The following DNAH9 variants were observed in gnomAD, a reference collection of about 807,000 sequenced individuals.
DNAH9 encodes the protein DNAH9 variant protein.
DNAH9 carries 345 observed loss-of-function variants against 471.6 expected under a neutral mutation model. That is an observed-to-expected ratio of 0.73 (90% confidence interval 0.67 to 0.80). The LOEUF is 0.80. Ranked by LOEUF, DNAH9 falls within the 30% of genes least tolerant of loss-of-function variation. The pLI is 0.00. For synonymous variants in DNAH9, 2,093 were observed against 2,123.6 expected (o/e 0.99, Z 0.40); for missense variants, 5,407 against 5,609.2 (o/e 0.96, Z 1.15).
At chr17:11,731,507 G>C (rs780463579) in intron 28 of DNAH9, among the ~76,000 whole-genome samples, 7 of 150,446 alleles carry the variant, frequency 4.7e-5, no homozygotes, top group Non-Finnish European at 1.0e-4. Flanking sequence ...CCATTAACTC[G>C]TCATTTACAT....
At chr17:11,856,174 T>G (rs1971619608) in intron 50 of DNAH9, among the ~76,000 whole-genome samples, 2 of 152,182 alleles carry the variant, frequency 1.3e-5, no homozygotes, top group Admixed American at 1.3e-4. Context: ...ACGGCTGTGA[T>G]CAAGTTCAAT....
Position 11,937,313 on chromosome 17 carries a change from C to T in DNAH9, c.12490-39C>T. 1 of 1,573,228 alleles carries T rather than the reference C, an allele frequency of 6.4e-7. No individual in the cohort carries two copies. Among genetic ancestry groups the T allele is most frequent in the Non-Finnish European group, 8.6e-7 (1 of 1,157,006 alleles). ...CCGGTGTGGGAGATGGGAGGTACGT[C>T]CTGGTTTCTTTTTAAGTGAGCTTGC... On this transcript the variant is annotated intron_variant, in intron 65 of 68. Coordinates refer to ENST00000262442, the MANE Select transcript of DNAH9 (RefSeq NM_001372.4). The surrounding 1 kb of genome is among the most constrained non-coding windows in gnomAD (Gnocchi z 4.1).
intron 28 of DNAH9, among the ~76,000 whole-genome samples, chr17:11,737,341 A>T (rs1273441638): frequency 2.3e-5 from 1 of 42,818 alleles, no homozygotes; most frequent in African/African-American, 8.7e-5. Flanking sequence ...CACCCCTCCC[A>T]CCGTTTCACA....
chr17:11,837,238 T>C (rs1970879329), intron 49 of DNAH9, among the ~76,000 whole-genome samples: 1 of 152,238 alleles, frequency 6.6e-6, no homozygotes, highest in Admixed American at 6.5e-5. Context: ...AATAGGATAC[T>C]GAAAATCACA....
chr17:11,755,735 G>C (rs1967356973), intron 33 of DNAH9, among the ~76,000 whole-genome samples: 1 of 151,956 alleles, frequency 6.6e-6, no homozygotes, highest in African/African-American at 2.4e-5. Context: ...GAGTGCATAG[G>C]AAGAAAGAGG....
At chr17:11,869,361 G>A in intron 51 of DNAH9, 108 bp downstream of exon 51, 6 of 1,439,552 alleles carry the variant, frequency 4.2e-6, no homozygotes, top group Non-Finnish European at 5.6e-6. Flanking sequence ...TTGACTTGGA[G>A]GGAAGTATTA....
intron 43 of DNAH9, among the ~76,000 whole-genome samples, chr17:11,800,268 C>A (rs1969404845): frequency 6.6e-6 from 1 of 151,846 alleles, no homozygotes; most frequent in South Asian, 2.1e-4. Flanking sequence ...TTCATGAACA[C>A]CCCTATCCCT....
intron 14 of DNAH9, among the ~76,000 whole-genome samples, chr17:11,655,925 T>C (rs1044262299): frequency 1.3e-5 from 2 of 151,962 alleles, no homozygotes; most frequent in Non-Finnish European, 2.9e-5. Flanking sequence ...CACACACACA[T>C]ACATATACAT....
At chr17:11,680,406 A>G (rs1276347938) in intron 18 of DNAH9, among the ~76,000 whole-genome samples, 2 of 152,230 alleles carry the variant, frequency 1.3e-5, no homozygotes, top group Admixed American at 6.5e-5. Context: ...GATTGTAGAA[A>G]CATCTTCCTT....
chr17:11,925,127 T>C (rs537771196), intron 62 of DNAH9: 1 of 448,906 alleles, frequency 2.2e-6, no homozygotes, highest in East Asian at 7.0e-5. Context: ...ACATGGTTTA[T>C]TTTATGACTG....
chr17:11,874,256 A>AAAAAAG (rs1972387539), intron 52 of DNAH9, among the ~76,000 whole-genome samples: 1 of 151,772 alleles, frequency 6.6e-6, no homozygotes, highest in Admixed American at 6.6e-5. Flanking sequence ...AAAAAAAAAA[A>AAAAAAG]AAAGAACTGA....
intron 59 of DNAH9, among the ~76,000 whole-genome samples, chr17:11,899,787 G>T (rs1973344744): frequency 6.6e-6 from 1 of 152,190 alleles, no homozygotes; most frequent in Non-Finnish European, 1.5e-5. Context: ...AATTACAGCA[G>T]CTGCAGCTTT....
intron 6 of DNAH9, among the ~76,000 whole-genome samples, chr17:11,628,920 T>C (rs549955016): frequency 6.6e-5 from 10 of 152,204 alleles, no homozygotes; most frequent in Non-Finnish European, 1.5e-4. Flanking sequence ...CCATACTTTC[T>C]CTTTGCTTTG....
chr17:11,903,955 A>C (rs1973501090), intron 60 of DNAH9, among the ~76,000 whole-genome samples: 4 of 152,074 alleles, frequency 2.6e-5, no homozygotes. Context: ...GGAGACCAAG[A>C]TACTGAAATT....
At chr17:11,760,387 G>C (rs1025192208) in intron 35 of DNAH9, among the ~76,000 whole-genome samples, 28 of 152,022 alleles carry the variant, frequency 1.8e-4, no homozygotes, top group African/African-American at 6.5e-4. Context: ...CATGTGTGCC[G>C]GTGCATGCAC....
At chr17:11,919,953 C>G (rs1360259752) in intron 61 of DNAH9, among the ~76,000 whole-genome samples, 1 of 151,812 alleles carries the variant, frequency 6.6e-6, no homozygotes, top group African/African-American at 2.4e-5. Flanking sequence ...GTTTCAGACA[C>G]AGGACAGATC....
intron 50 of DNAH9, among the ~76,000 whole-genome samples, chr17:11,867,016 C>A (rs1196701446): frequency 6.6e-6 from 1 of 152,202 alleles, no homozygotes; most frequent in African/African-American, 2.4e-5. Context: ...GCGCATGGTG[C>A]GCTGCACCCA....
intron 14 of DNAH9, among the ~76,000 whole-genome samples, chr17:11,663,698 A>G (rs1019361124): frequency 5.9e-5 from 9 of 152,230 alleles, no homozygotes; most frequent in African/African-American, 1.2e-4. Flanking sequence ...GGTGAAAGAT[A>G]TAGATATTAT....
rs200823993 is a variant in DNAH9, at chr17:11,777,012, ATAATTT to A, written c.7553-3993_7553-3988del. On this transcript the variant is annotated intron_variant, in intron 38 of 68. Coordinates refer to ENST00000262442, the MANE Select transcript of DNAH9 (RefSeq NM_001372.4). ...TTGTTGAGGGTTACTATAATAAAAG[ATAATTT>A]TAAGTTATTTTTTATGCCTTCTGTA... Among the ~76,000 whole-genome samples the A allele has an allele frequency of 1.1e-3, 175 of 152,336 alleles. 6 individuals carry two copies. In the East Asian group the frequency reaches 0.033, roughly 29 times the overall value.
Sources: allele counts gnomAD v4.1 joint callset (sites outside exome capture counted in the v4.1 genomes callset), GRCh38; gene constraint gnomAD v4.1.1; non-coding constraint Gnocchi (gnomAD v3.1); transcripts MANE v1.5; gene names NCBI Gene and HGNC (gene_info 2026-07-23, HGNC 2026-07-21).